ZNF385D: variants seen among roughly 807,000 people sequenced by gnomAD.
The protein encoded by ZNF385D is zinc finger protein 659.
A neutral mutation model predicts 35.8 loss-of-function variants in ZNF385D; 15 were observed. The ratio of observed to expected loss-of-function variants is 0.42; its 90% CI spans 0.28 to 0.64. The LOEUF is 0.64. Ranked by LOEUF, ZNF385D falls within the 30% of genes least tolerant of loss-of-function variation. The probability of loss-of-function intolerance (pLI) is 0.23; values close to 1 mark genes in which losing one functional copy is unlikely to be tolerated. For synonymous variants in ZNF385D, 212 were observed against 186.8 expected, an observed-to-expected ratio of 1.13 and a Z score of -1.10; for missense variants, 474 against 494.6, an observed-to-expected ratio of 0.96 and a Z score of 0.39.
intron 2 of ZNF385D, among the ~76,000 whole-genome samples, chr3:21,612,914 A>G (rs1193015946): frequency 6.6e-6 from 1 of 150,762 alleles, no homozygotes; most frequent in African/African-American, 2.5e-5. Flanking sequence ...CTAGGTAAAC[A>G]CACCCAATCT....
intron 2 of ZNF385D, among the ~76,000 whole-genome samples, chr3:22,220,856 T>C (rs1206824673): frequency 1.3e-5 from 2 of 152,200 alleles, no homozygotes; most frequent in Non-Finnish European, 2.9e-5. Context: ...TTATCTTTAA[T>C]AGTTTTTGTT....
intron 2 of ZNF385D, among the ~76,000 whole-genome samples, chr3:22,312,022 G>A (rs1007467676): frequency 3.3e-5 from 5 of 152,032 alleles, no homozygotes; most frequent in African/African-American, 9.7e-5. Flanking sequence ...TATTTCCTCC[G>A]AATCGACCAC....
chr3:21,652,469 T>G (rs1575401169), intron 2 of ZNF385D, among the ~76,000 whole-genome samples: 1 of 152,094 alleles, frequency 6.6e-6, no homozygotes, highest in African/African-American at 2.4e-5. Flanking sequence ...ATTAATATAT[T>G]TTTTTAATTT....
chr3:22,209,614 T>C (rs529277943), intron 2 of ZNF385D, among the ~76,000 whole-genome samples: 5 of 152,022 alleles, frequency 3.3e-5, no homozygotes, highest in African/African-American at 7.2e-5. Flanking sequence ...AGACTATTTA[T>C]CATATATATT....
Position 21,429,222 on chromosome 3 carries a change from C to A in ZNF385D, c.674-3552G>T, listed in dbSNP as rs554125797. On this transcript the variant is annotated intron_variant, in intron 5 of 7. Coordinates refer to ENST00000281523, the MANE Select transcript of ZNF385D (RefSeq NM_024697.3). Reference sequence around the variant, plus strand: ...TTTAAAAAAAATTTTAAGGAAAAAACCCCCTAATTTCACCAACTAGAGGTA... The same window carrying A: ...TTTAAAAAAAATTTTAAGGAAAAAAACCCCTAATTTCACCAACTAGAGGTA... Among the ~76,000 whole-genome samples, 250 of 151,732 alleles carry A rather than the reference C, an allele frequency of 1.6e-3. 2 individuals carry two copies. Among genetic ancestry groups the A allele is most frequent in the African/African-American group, 5.6e-3 (231 of 41,418 alleles).
chr3:22,303,441 G>A (rs1429226387), intron 2 of ZNF385D, among the ~76,000 whole-genome samples: 1 of 152,126 alleles, frequency 6.6e-6, no homozygotes, highest in Admixed American at 6.6e-5. Context: ...TGTGTGCCAA[G>A]GAGAGGTATT....
At position 21,648,532 on chromosome 3, in the gene ZNF385D, G is replaced by GA. The variant is rs1199764583; in HGVS notation, c.165+16353dup. On this transcript the variant is annotated intron_variant, in intron 2 of 7. Coordinates refer to ENST00000281523, the MANE Select transcript of ZNF385D (RefSeq NM_024697.3). The stretch of plus-strand genomic sequence containing the variant: ...CTTCTTGCACAAATCAAGAGGGGAA[G>GA]AAAGATGGGAGAATCACAATCTTCT... 3.9e-5 allele frequency among the ~76,000 whole-genome samples: 6 copies of GA among 152,186 alleles called. No individual in the cohort carries two copies. In the East Asian group the frequency reaches 1.2e-3, roughly 29 times the overall value.
At chr3:21,772,143 C>T (rs1321735780) in intron 3 of ZNF385D, among the ~76,000 whole-genome samples, 3 of 151,834 alleles carry the variant, frequency 2.0e-5, no homozygotes, top group East Asian at 3.9e-4. Context: ...AAACATAGGA[C>T]AAAATTTGAT....
chr3:22,180,945 C>CTTTTTTTTTTTTTT (rs1553624088), intron 2 of ZNF385D, among the ~76,000 whole-genome samples: 10 of 98,972 alleles, frequency 1.0e-4, no homozygotes, highest in African/African-American at 5.5e-4. Context: ...GACAGCTTTG[C>CTTTTTTTTTTTTTT]TTTCTCCTTC....
intron 3 of ZNF385D, among the ~76,000 whole-genome samples, chr3:21,982,944 T>C (rs1484846399): frequency 6.6e-6 from 1 of 152,102 alleles, no homozygotes; most frequent in Non-Finnish European, 1.5e-5. Flanking sequence ...TGAAGCCTAC[T>C]TGATCATAGC....
intron 3 of ZNF385D, among the ~76,000 whole-genome samples, chr3:22,114,012 T>C (rs1269546990): frequency 6.6e-6 from 1 of 152,124 alleles, no homozygotes; most frequent in Non-Finnish European, 1.5e-5. Context: ...TATTTGATTC[T>C]ATAAATGTTT....
intron 3 of ZNF385D, among the ~76,000 whole-genome samples, chr3:21,760,878 T>C (rs2070577282): frequency 6.6e-6 from 1 of 152,198 alleles, no homozygotes; most frequent in South Asian, 2.1e-4. Context: ...ATTTTAAATA[T>C]AATTTATTTA....
At chr3:22,011,957 CTTCTT>C (rs1301359803) in intron 3 of ZNF385D, among the ~76,000 whole-genome samples, 2 of 152,088 alleles carry the variant, frequency 1.3e-5, no homozygotes, top group Non-Finnish European at 2.9e-5. Flanking sequence ...TCTTCCCTCC[CTTCTT>C]TTCTTCTTTG....
chr3:22,197,774 T>A (rs952594946), intron 2 of ZNF385D, among the ~76,000 whole-genome samples: 15 of 152,118 alleles, frequency 9.9e-5, no homozygotes, highest in Non-Finnish European at 5.9e-5. Context: ...TGGTTTAGGA[T>A]AAGACAAATG....
chr3:22,297,946 C>T (rs534616066), intron 2 of ZNF385D, among the ~76,000 whole-genome samples: 12 of 151,808 alleles, frequency 7.9e-5, no homozygotes, highest in African/African-American at 2.9e-4. Flanking sequence ...AAATATGTTT[C>T]TATAGTTTTG....
intron 3 of ZNF385D, among the ~76,000 whole-genome samples, chr3:21,537,454 T>A (rs1305138698): frequency 6.6e-6 from 1 of 152,110 alleles, no homozygotes; most frequent in Admixed American, 6.5e-5. Context: ...CCAACATTTT[T>A]TAAAAAGACA....
chr3:22,120,194 A>G (rs571396074), intron 3 of ZNF385D, among the ~76,000 whole-genome samples: 1 of 152,086 alleles, frequency 6.6e-6, no homozygotes, highest in Admixed American at 6.6e-5. Context: ...GGGCTGCCAC[A>G]ACAAAATACC....
At chr3:22,166,757 G>A (rs1351612802) in intron 3 of ZNF385D, among the ~76,000 whole-genome samples, 1 of 152,124 alleles carries the variant, frequency 6.6e-6, no homozygotes. Flanking sequence ...ACTCTGATTT[G>A]GGTTTCTAAA....
At chr3:22,362,681 T>C (rs1376450832) in intron 2 of ZNF385D, among the ~76,000 whole-genome samples, 1 of 152,120 alleles carries the variant, frequency 6.6e-6, no homozygotes, top group African/African-American at 2.4e-5. Flanking sequence ...TTTTTAAAAG[T>C]ATAATTCAAA....
Sources: gnomAD v4.1 joint callset for allele counts (sites outside exome capture counted in the v4.1 genomes callset) on GRCh38, gnomAD v4.1.1 for gene constraint, MANE v1.5 for transcripts, NCBI Gene and HGNC (gene_info 2026-07-23, HGNC 2026-07-21) for gene names.